EPN2: variants seen among roughly 807,000 people sequenced by gnomAD.
EPN2 encodes the protein epsin-2.
A neutral mutation model predicts 61.7 loss-of-function variants in EPN2; 34 were observed. The observed-to-expected ratio is 0.55, with a 90% CI of 0.42 to 0.73. EPN2 has a LOEUF of 0.73. Among genes scored for constraint, EPN2 ranks in the 30% least tolerant of loss-of-function variants. EPN2 has a pLI of 0.00. For synonymous variants in EPN2, 349 were observed against 353.6 expected, an observed-to-expected ratio of 0.99 and a Z score of 0.15; for missense variants, 714 against 839.2, an observed-to-expected ratio of 0.85 and a Z score of 1.84.
chr17:19,329,122 C>T (rs896686822), intron 8 of EPN2: 1 of 500,160 alleles, frequency 2.0e-6, no homozygotes, highest in Admixed American at 3.7e-5. Flanking sequence ...GGGCTTCCAC[C>T]TGGGTGTTGA....
chr17:19,240,828 C>G (rs527462823), intron 1 of EPN2, among the ~76,000 whole-genome samples: 10 of 152,276 alleles, frequency 6.6e-5, no homozygotes, highest in African/African-American at 2.4e-4. Context: ...CTTTACTTCT[C>G]CAGTACCAGG....
At chr17:19,279,591 A>C (rs1417383323) in intron 1 of EPN2, among the ~76,000 whole-genome samples, 1 of 151,656 alleles carries the variant, frequency 6.6e-6, no homozygotes, top group African/African-American at 2.4e-5. Context: ...GGCGCCCGCC[A>C]CTATGCCTGG....
rs974935925 is a variant in EPN2, at chr17:19,249,350, C to T, written c.-294+11819C>T. ...TTTCTTCCAGAGGACCTGAAGAGCC[C>T]TCACTTTTTTCTGTTTGCAGTGAGA... On this transcript the variant is annotated intron_variant, in intron 1 of 10. Coordinates refer to ENST00000314728, the MANE Select transcript of EPN2 (RefSeq NM_014964.5). 3 of 152,250 alleles carry T rather than the reference C, an allele frequency of 2.0e-5. No individual in the cohort carries two copies. The South Asian group carries it at 6.2e-4, about 31-fold the overall frequency. 9.4% of individuals were successfully genotyped at this position (152,250 alleles called of 1,614,324 possible).
chr17:19,270,723 G>A (rs1160693769), intron 1 of EPN2, among the ~76,000 whole-genome samples: 2 of 152,222 alleles, frequency 1.3e-5, no homozygotes, highest in Non-Finnish European at 2.9e-5. Context: ...CATAATCCCT[G>A]TGGCCGGAGT....
chr17:19,331,924 CT>C lies in EPN2; in HGVS notation c.1484del (p.Leu495ArgfsTer26). On this transcript the variant is annotated frameshift_variant, in exon 10 of 11. Coordinates refer to ENST00000314728, the MANE Select transcript of EPN2 (RefSeq NM_014964.5). LOFTEE classifies it high-confidence loss of function. ...TSPDPFESQPLTVASSKPSSA... is the reference protein window; with the variant it reads ...TSPDPFESQPXTVASSKPSSA... ...CCCTGACCCCTTTGAGTCTCAACCC[CT>C]GACTGTCGCCTCAAGCAAGCCCAGC... 2 of 1,614,188 alleles carry C rather than the reference CT, an allele frequency of 1.2e-6. No homozygotes were observed. Among genetic ancestry groups the C allele is most frequent in the Non-Finnish European group, 1.7e-6 (2 of 1,180,038 alleles).
Position 19,312,052 on chromosome 17 carries a change from G to A in EPN2, c.880G>A (p.Glu294Lys). The change falls in exon 6 of 11, where the codon GAA becomes AAA. Residue 294 changes from glutamate (E) to lysine (K), a missense_variant and splice_region_variant. Physicochemically the swap from Glu to Lys is moderately conservative, Grantham distance 56 (BLOSUM62 1). Transcript: ENST00000314728. ...LAMSREVAEQ[E>K]ERLRRGDDLR... ...ACCAGTTTGCATTGTCCCTCTACAG[G>A]AAGAACGCCTCAGGCGGGGTGATGA... The A allele has an allele frequency of 6.2e-7, 1 of 1,610,930 alleles. No homozygotes were observed. Among genetic ancestry groups the A allele is most frequent in the Non-Finnish European group, 8.5e-7 (1 of 1,177,012 alleles).
At chr17:19,268,093 A>T (rs192209461) in intron 1 of EPN2, among the ~76,000 whole-genome samples, 1 of 151,882 alleles carries the variant, frequency 6.6e-6, no homozygotes, top group Non-Finnish European at 1.5e-5. Context: ...GAGGGTTCTC[A>T]CTCTGCCCGC....
chr17:19,333,161 G>A (rs909869338), intron 10 of EPN2, among the ~76,000 whole-genome samples: 4 of 152,104 alleles, frequency 2.6e-5, no homozygotes, highest in African/African-American at 4.8e-5. Flanking sequence ...TCTGCCCCAG[G>A]AGGCCTTATG....
chr17:19,334,246 C>T lies in EPN2; in HGVS notation c.1918C>T (p.Leu640Phe). The T allele has an allele frequency of 2.7e-6, 4 of 1,459,220 alleles. No homozygotes were observed. The highest frequency in any genetic ancestry group is 3.7e-6 in the Non-Finnish European group (4 of 1,094,468). The allele number at this position is 1,459,220 out of a possible 1,614,324, so 90.4% of individuals were successfully genotyped here. Reference protein sequence around the residue: ...AQATGTTNPFLL With the variant: ...AQATGTTNPFFL ...GGCCACTGGCACAACCAACCCTTTC[C>T]TTCTCTAGTGCCTGGGCCTGGGACC... The change falls in exon 11 of 11, where the codon CTT becomes TTT. Residue 640 changes from leucine (L) to phenylalanine (F), a missense_variant. Leu to Phe is a conservative substitution (Grantham distance 22). Around this residue, in one of 2 missense-constraint regions of EPN2, gnomAD observed 410 missense variants for 421.8 expected, o/e 0.97. Transcript: ENST00000314728. This position sits in a 1 kb window ranked among gnomAD's most constrained non-coding sequence, Gnocchi z 4.9.
At chr17:19,250,810 A>G (rs1004173525) in intron 1 of EPN2, among the ~76,000 whole-genome samples, 13 of 151,842 alleles carry the variant, frequency 8.6e-5, no homozygotes, top group East Asian at 7.7e-4. Context: ...GAGTTTGTCT[A>G]CCTTTCTGTT....
intron 7 of EPN2, among the ~76,000 whole-genome samples, chr17:19,314,446 G>A (rs543042831): frequency 1.1e-4 from 17 of 152,278 alleles, no homozygotes; most frequent in East Asian, 5.8e-4. Context: ...AGAGGGGTAC[G>A]GAGTGGTGGA....
At position 19,274,122 on chromosome 17, in the gene EPN2, G is replaced by C. The variant is rs2045283365; in HGVS notation, c.-293-7833G>C. 5.2e-5 allele frequency: 8 copies of C among 152,422 alleles called. No homozygotes were observed. In the South Asian group the frequency reaches 1.7e-3, roughly 32 times the overall value. The allele number at this position is 152,422 out of a possible 1,614,324, so 9.4% of individuals were successfully genotyped here. A position where few individuals can be genotyped will look rare whatever the true frequency, so the allele number is the denominator to read the frequency against. On this transcript the variant is annotated intron_variant, in intron 1 of 10. Transcript: ENST00000314728. ...TAAAGCCAGTGAATTGAGGATTGCG[G>C]AGTATTGCACACATTCAGGTGTCCT...
Position 19,283,852 on chromosome 17 carries a change from C to T in EPN2, c.595+138C>T, listed in dbSNP as rs746064488. The T allele has an allele frequency of 2.6e-5, 17 of 660,356 alleles. No individual in the cohort carries two copies. The highest frequency in any genetic ancestry group is 4.1e-5 in the Non-Finnish European group (16 of 393,484). The allele number at this position is 660,356 out of a possible 1,614,324, so 40.9% of individuals were successfully genotyped here. A position where few individuals can be genotyped will look rare whatever the true frequency, so the allele number is the denominator to read the frequency against. On this transcript the variant is annotated intron_variant, in intron 3 of 10. Coordinates refer to ENST00000314728, the MANE Select transcript of EPN2 (RefSeq NM_014964.5). The surrounding 1 kb of genome is among the most constrained non-coding windows in gnomAD (Gnocchi z 7.0). ...CCTCAGTACCCAGCTTTTGGTGGCCCAGGCAAATTGTCCTTGGTCTGGATT... is the reference window on the plus strand; with the variant it reads ...CCTCAGTACCCAGCTTTTGGTGGCCTAGGCAAATTGTCCTTGGTCTGGATT...
intron 9 of EPN2, 46 bp downstream of exon 9, chr17:19,329,693 C>A (rs762883130): frequency 1.8e-6 from 2 of 1,127,286 alleles, no homozygotes; most frequent in Non-Finnish European, 2.7e-6. Flanking sequence ...GTGCATTTGA[C>A]CAGCTGAGTT....
intron 5 of EPN2, among the ~76,000 whole-genome samples, chr17:19,310,870 G>T (rs1238522996): frequency 6.6e-6 from 1 of 152,092 alleles, no homozygotes; most frequent in African/African-American, 2.4e-5. Context: ...GGGCCACCGT[G>T]CCTGGCCCCC....
At chr17:19,295,376 G>T (rs557380180) in intron 4 of EPN2, among the ~76,000 whole-genome samples, 4 of 151,350 alleles carry the variant, frequency 2.6e-5, no homozygotes, top group African/African-American at 9.7e-5. Context: ...ACGCGCGTGC[G>T]CGCAAAATAG....
At position 19,313,200 on chromosome 17, in the gene EPN2, G is replaced by T. The variant is rs375784287; in HGVS notation, c.1068G>T (p.Pro356=). 2 of 1,611,744 alleles carry T rather than the reference G, an allele frequency of 1.2e-6. No homozygotes were observed. Among genetic ancestry groups the T allele is most frequent in the Non-Finnish European group, 1.7e-6 (2 of 1,179,092 alleles). The change falls in exon 7 of 11, where the codon CCG becomes CCT. Residue 356 remains proline (P), a synonymous_variant. Coordinates refer to ENST00000314728, the MANE Select transcript of EPN2 (RefSeq NM_014964.5). ...CCCAGAAAGCAGAGCCCTGGGGCCC[G>T]TCAGCCTCCACTAACCAGACCAACC... is the stretch of plus-strand genomic sequence containing the variant. ...PAAQKAEPWG[P]SASTNQTNPW...
chr17:19,323,081 C>A (rs986848031), intron 7 of EPN2, among the ~76,000 whole-genome samples: 3 of 152,224 alleles, frequency 2.0e-5, no homozygotes, highest in African/African-American at 7.2e-5. Context: ...CAGGCTGTCA[C>A]AAGCTTGCTG....
Position 19,329,609 on chromosome 17 carries a change from T to C in EPN2, c.1373T>C (p.Phe458Ser), listed in dbSNP as rs1598026797. 1.2e-6 allele frequency: 2 copies of C among 1,613,578 alleles called. No homozygotes were observed. Among genetic ancestry groups the C allele is most frequent in the East Asian group, 2.2e-5 (1 of 44,882 alleles). The change falls in exon 9 of 11, where the codon TTT becomes TCT. Residue 458 changes from phenylalanine (F) to serine (S), a missense_variant. Transcript: ENST00000314728. ...SNLNGTIKDD[F>S]SEFDNLRTSK... ...CTGAATGGTACAATTAAAGATGACT[T>C]TTCTGAATTTGACAACCTTCGGACT...
Sources: gnomAD v4.1 joint callset for allele counts (sites outside exome capture counted in the v4.1 genomes callset) on GRCh38, gnomAD v4.1.1 for gene constraint, gnomAD v4.1.1 regional missense constraint, Gnocchi (gnomAD v3.1) non-coding constraint, MANE v1.5 for transcripts, NCBI Gene and HGNC (gene_info 2026-07-23, HGNC 2026-07-21) for gene names.